APOLD1: variants seen among roughly 807,000 people sequenced by gnomAD.
The protein encoded by APOLD1 is apolipoprotein L domain-containing protein 1.
APOLD1 carries 22 observed loss-of-function variants against 15.3 expected under a neutral mutation model. The ratio of observed to expected loss-of-function variants is 1.44; its 90% CI spans 1.03 to 2.05. APOLD1 has a LOEUF of 2.05. Ranked by LOEUF, APOLD1 falls within the 30% of genes most tolerant of loss-of-function variation. APOLD1 has a pLI of 0.00. For synonymous variants in APOLD1, 190 were observed against 167.4 expected (o/e 1.13, Z -1.04); for missense variants, 394 against 353.5 (o/e 1.11, Z -0.92).
At chr12:12,734,974 T>C (rs1354525827) in intron 1 of APOLD1, among the ~76,000 whole-genome samples, 1 of 152,208 alleles carries the variant, frequency 6.6e-6, no homozygotes, top group African/African-American at 2.4e-5. Context: ...TCAGAGCTTC[T>C]GCTTCATGCT....
chr12:12,727,898 C>T (rs1349865254), intron 1 of APOLD1, among the ~76,000 whole-genome samples: 1 of 151,990 alleles, frequency 6.6e-6, no homozygotes, highest in Non-Finnish European at 1.5e-5. Context: ...CCATACCTAG[C>T]ATCTCTGAAA....
rs548060366 is a variant in APOLD1, at chr12:12,731,086, G to A, written c.96+4990G>A. On this transcript the variant is annotated intron_variant, in intron 1 of 1. Transcript: ENST00000326765. ...AACCCGGGAGGCGGAGCTTGCAGTG[G>A]GCCGAGATCGCACCACTGCACTCCA... Among the ~76,000 whole-genome samples, 119 of 151,698 alleles carry A rather than the reference G, an allele frequency of 7.8e-4. 2 individuals carry two copies. The Middle Eastern group carries it at 0.01, about 13-fold the overall frequency.
At chr12:12,764,746 T>A (rs777928810) in intron 1 of APOLD1, 5 of 490,598 alleles carry the variant, frequency 1.0e-5, no homozygotes, top group Admixed American at 6.1e-5. Context: ...CACCTTTATG[T>A]GCATCTCACA....
chr12:12,757,344 C>T (rs1005558669), intron 1 of APOLD1, among the ~76,000 whole-genome samples: 23 of 152,138 alleles, frequency 1.5e-4, no homozygotes, highest in African/African-American at 4.1e-4. Flanking sequence ...CCACAACAGA[C>T]CACCCATCTC....
At chr12:12,777,901 T>TG (rs1947048667) in intron 1 of APOLD1, among the ~76,000 whole-genome samples, 1 of 27,130 alleles carries the variant, frequency 3.7e-5, no homozygotes, top group Admixed American at 3.8e-4. Flanking sequence ...TTTTTTTTTT[T>TG]TTTTTTTTTT....
At chr12:12,764,454 AACC>A (rs1190335424) in intron 1 of APOLD1, among the ~76,000 whole-genome samples, 1 of 152,264 alleles carries the variant, frequency 6.6e-6, no homozygotes, top group Non-Finnish European at 1.5e-5. Context: ...AGAAAACCAC[AACC>A]ACATATGTGA....
At chr12:12,783,904 G>A (rs925932839), upstream of APOLD1, among the ~76,000 whole-genome samples, 1 of 152,150 alleles carries the variant, frequency 6.6e-6, no homozygotes, top group South Asian at 2.1e-4. Context: ...AAAGTGCTGG[G>A]ATTATAGGCA....
At chr12:12,765,303 C>G (rs1228094257) in intron 1 of APOLD1, among the ~76,000 whole-genome samples, 1 of 152,100 alleles carries the variant, frequency 6.6e-6, no homozygotes, top group Non-Finnish European at 1.5e-5. Flanking sequence ...TCCTCCCACC[C>G]CAGCCTCCTG....
chr12:12,734,859 A>G (rs1236738938), intron 1 of APOLD1, among the ~76,000 whole-genome samples: 1 of 152,184 alleles, frequency 6.6e-6, no homozygotes, highest in Non-Finnish European at 1.5e-5. Flanking sequence ...CTTCAAGGTC[A>G]CAAACAGGAG....
rs570161714 is a variant in APOLD1 at position 12,786,703 on chromosome 12, T to C, written c.4-206T>C. The C allele has an allele frequency of 7.0e-5, 69 of 985,412 alleles. No homozygotes were observed. In the Admixed American group the frequency reaches 4.2e-3, roughly 60 times the overall value. 61.0% of individuals were successfully genotyped at this position (985,412 alleles called of 1,614,324 possible). A position where few individuals can be genotyped will look rare whatever the true frequency, so the allele number is the denominator to read the frequency against. On this transcript the variant is annotated intron_variant, in intron 1 of 1. Coordinates refer to ENST00000356591, the MANE Select transcript of APOLD1 (RefSeq NM_030817.3). ...ATTTCCATATGCAGAGATAAGGTCCTGAGAACTTGTGTGGCTCCCCCCGGA... is the reference window on the plus strand; with the variant it reads ...ATTTCCATATGCAGAGATAAGGTCCCGAGAACTTGTGTGGCTCCCCCCGGA...
intron 1 of APOLD1, among the ~76,000 whole-genome samples, chr12:12,779,081 G>A (rs1947060207): frequency 6.6e-6 from 1 of 152,006 alleles, no homozygotes; most frequent in Non-Finnish European, 1.5e-5. Flanking sequence ...CCATTCCTTT[G>A]TCCATTCTGT....
intron 1 of APOLD1, among the ~76,000 whole-genome samples, chr12:12,756,250 C>G (rs1352375756): frequency 6.6e-6 from 1 of 152,172 alleles, no homozygotes; most frequent in Non-Finnish European, 1.5e-5. Context: ...TCGATTTTTC[C>G]AGATTTCTCT....
chr12:12,750,041 C>T (rs7303103), intron 1 of APOLD1, among the ~76,000 whole-genome samples: 44,152 of 151,960 alleles, frequency 0.29, 6,646 homozygotes, highest in Middle Eastern at 0.39. Context: ...TACCCCCACA[C>T]TGAAATCCCT....
intron 1 of APOLD1, among the ~76,000 whole-genome samples, chr12:12,752,141 A>G (rs1013490736): frequency 9.2e-5 from 14 of 152,212 alleles, no homozygotes; most frequent in Non-Finnish European, 1.9e-4. Context: ...CAGTGGAAAG[A>G]AGAGACCTTC....
At chr12:12,775,714 A>G (rs894544049) in intron 1 of APOLD1, among the ~76,000 whole-genome samples, 2 of 152,224 alleles carry the variant, frequency 1.3e-5, no homozygotes, top group African/African-American at 4.8e-5. Flanking sequence ...ATTTTTTAAA[A>G]AACGATTGGG....
chr12:12,732,729 CAAAA>C (rs34221371), intron 1 of APOLD1, among the ~76,000 whole-genome samples: 2 of 87,664 alleles, frequency 2.3e-5, no homozygotes, highest in Non-Finnish European at 5.2e-5. Context: ...GACTCTGTCT[CAAAA>C]AAAAAAAAAA....
chr12:12,765,349 G>C (rs1047095770), intron 1 of APOLD1, among the ~76,000 whole-genome samples: 1 of 151,818 alleles, frequency 6.6e-6, no homozygotes, highest in Admixed American at 6.6e-5. Context: ...CACCACACCC[G>C]GCTCAATATA....
At chr12:12,733,966 G>A (rs1379002987) in intron 1 of APOLD1, among the ~76,000 whole-genome samples, 1 of 152,136 alleles carries the variant, frequency 6.6e-6, no homozygotes, top group Non-Finnish European at 1.5e-5. Context: ...GAGTTTTTAT[G>A]TCTCACATAC....
chr12:12,755,294 C>T (rs1946849338), intron 1 of APOLD1, among the ~76,000 whole-genome samples: 1 of 151,704 alleles, frequency 6.6e-6, no homozygotes, highest in African/African-American at 2.4e-5. Context: ...ACAAATTTCA[C>T]AGAAGGATTC....
Sources: allele counts gnomAD v4.1 joint callset (sites outside exome capture counted in the v4.1 genomes callset), GRCh38; gene constraint gnomAD v4.1.1; transcripts MANE v1.5; gene names NCBI Gene and HGNC (gene_info 2026-07-23, HGNC 2026-07-21).